The following KCND2 variants were observed in gnomAD, a reference collection of about 807,000 sequenced individuals.
The protein encoded by KCND2 is A-type voltage-gated potassium channel KCND2.
KCND2 carries 16 observed loss-of-function variants against 54.4 expected under a neutral mutation model. The ratio of observed to expected loss-of-function variants is 0.29; its 90% confidence interval spans 0.20 to 0.45. KCND2 has a LOEUF of 0.45. KCND2 is among the 20% of genes least tolerant of loss of function. The pLI, the probability that KCND2 is intolerant of heterozygous loss-of-function variation, is 1.00. For synonymous variants in KCND2, 317 were observed against 310.7 expected (o/e 1.02, Z -0.21); for missense variants, 486 against 824.2 (o/e 0.59, Z 5.02).
At chr7:120,667,532 T>A (rs1350490637) in intron 1 of KCND2, among the ~76,000 whole-genome samples, 1 of 152,014 alleles carries the variant, frequency 6.6e-6, no homozygotes, top group African/African-American at 2.4e-5. Flanking sequence ...ATCAGGTCGA[T>A]GCATGTATGT....
chr7:120,714,332 C>T (rs1439888279), intron 1 of KCND2, among the ~76,000 whole-genome samples: 3 of 151,938 alleles, frequency 2.0e-5, no homozygotes, highest in Non-Finnish European at 4.4e-5. Context: ...TAAATTACTG[C>T]TTCTATCTGA....
intron 1 of KCND2, among the ~76,000 whole-genome samples, chr7:120,574,198 T>C (rs1015275979): frequency 2.0e-5 from 3 of 152,214 alleles, no homozygotes; most frequent in Non-Finnish European, 4.4e-5. Context: ...TAATCTAAAA[T>C]GTGGCAAAAT....
chr7:120,401,817 G>A (rs2116082189), intron 1 of KCND2, among the ~76,000 whole-genome samples: 1 of 152,130 alleles, frequency 6.6e-6, no homozygotes, highest in African/African-American at 2.4e-5. Flanking sequence ...TCAATTTTGA[G>A]TCTAAGACTT....
chr7:120,372,966 C>T (rs529331786), intron 1 of KCND2, among the ~76,000 whole-genome samples: 1 of 151,884 alleles, frequency 6.6e-6, no homozygotes, highest in East Asian at 1.9e-4. Flanking sequence ...AGTTTTACTT[C>T]GGATTTGTGC....
chr7:120,434,808 G>T (rs1339476665), intron 1 of KCND2, among the ~76,000 whole-genome samples: 1 of 136,564 alleles, frequency 7.3e-6, no homozygotes. Flanking sequence ...TGTGTAAAAA[G>T]ATCCTAGAGG....
chr7:120,547,380 A>G (rs889002565), intron 1 of KCND2, among the ~76,000 whole-genome samples: 2 of 151,854 alleles, frequency 1.3e-5, no homozygotes, highest in Non-Finnish European at 2.9e-5. Context: ...ACTCTCTGTA[A>G]AAGTCGGTTT....
At chr7:120,373,963 T>C (rs1800801720) in intron 1 of KCND2, among the ~76,000 whole-genome samples, 1 of 151,902 alleles carries the variant, frequency 6.6e-6, no homozygotes, top group East Asian at 1.9e-4. Flanking sequence ...CATTTGGGGC[T>C]ATTTAATAAA....
chr7:120,622,403 C>T (rs77593013), intron 1 of KCND2, among the ~76,000 whole-genome samples: 2,875 of 151,912 alleles, frequency 0.019, 90 homozygotes, highest in African/African-American at 0.065. Flanking sequence ...TCCATCAGAC[C>T]GGTGAATGGG....
At chr7:120,535,235 T>C (rs1791891124) in intron 1 of KCND2, among the ~76,000 whole-genome samples, 1 of 152,188 alleles carries the variant, frequency 6.6e-6, no homozygotes, top group South Asian at 2.1e-4. Flanking sequence ...TGCACTTTTC[T>C]CATCTGACAT....
At chr7:120,335,632 C>A (rs184929012) in intron 1 of KCND2, among the ~76,000 whole-genome samples, 17,851 of 151,526 alleles carry the variant, frequency 0.12, 1,128 homozygotes, top group African/African-American at 0.16. Context: ...ACTACAGGCG[C>A]CCCCCACCAC....
At chr7:120,547,280 T>C (rs1792052346) in intron 1 of KCND2, among the ~76,000 whole-genome samples, 1 of 151,990 alleles carries the variant, frequency 6.6e-6, no homozygotes, top group East Asian at 1.9e-4. Flanking sequence ...TCCCTTGGGC[T>C]TGCATCATGA....
intron 1 of KCND2, among the ~76,000 whole-genome samples, chr7:120,642,667 C>T (rs1303069805): frequency 6.6e-6 from 1 of 151,480 alleles, no homozygotes; most frequent in Non-Finnish European, 1.5e-5. Context: ...GTTAGATGTT[C>T]CACCGCTTTA....
chr7:120,437,552 TA>T (rs11295983), intron 1 of KCND2, among the ~76,000 whole-genome samples: 38,200 of 148,134 alleles, frequency 0.26, 6,561 homozygotes, highest in East Asian at 0.57. Context: ...GGCCATAAGC[TA>T]AAAAAAAAAG....
chr7:120,307,147 A>G (rs902449496), intron 1 of KCND2, among the ~76,000 whole-genome samples: 1 of 152,012 alleles, frequency 6.6e-6, no homozygotes, highest in African/African-American at 2.4e-5. Flanking sequence ...ATTTTTTTCC[A>G]AACTCTGATG....
At chr7:120,522,897 C>G (rs1010152641) in intron 1 of KCND2, among the ~76,000 whole-genome samples, 3 of 152,162 alleles carry the variant, frequency 2.0e-5, no homozygotes, top group African/African-American at 7.2e-5. Context: ...TCCTTGCATT[C>G]TGTCAATTTT....
chr7:120,296,145 T>C (rs1013153731), intron 1 of KCND2, among the ~76,000 whole-genome samples: 1 of 152,140 alleles, frequency 6.6e-6, no homozygotes, highest in African/African-American at 2.4e-5. Context: ...GGGAAACTTA[T>C]ATATAGTCAT....
At chr7:120,623,209 A>G (rs1793123620) in intron 1 of KCND2, among the ~76,000 whole-genome samples, 2 of 152,340 alleles carry the variant, frequency 1.3e-5, no homozygotes, top group South Asian at 2.1e-4. Context: ...GAAACAAGTC[A>G]TGATAAATGC....
chr7:120,528,940 A>G (rs544618294), intron 1 of KCND2, among the ~76,000 whole-genome samples: 11 of 152,292 alleles, frequency 7.2e-5, no homozygotes, highest in Middle Eastern at 3.4e-3. Flanking sequence ...TATTTTTTCT[A>G]CTAGTAACTA....
At chr7:120,513,118 A>G (rs759445409) in intron 1 of KCND2, among the ~76,000 whole-genome samples, 1 of 152,032 alleles carries the variant, frequency 6.6e-6, no homozygotes, top group African/African-American at 2.4e-5. Context: ...GTTTCTTCAC[A>G]TGTGAAGTGA....
Sources: allele counts gnomAD v4.1 joint callset (sites outside exome capture counted in the v4.1 genomes callset), GRCh38; gene constraint gnomAD v4.1.1; transcripts MANE v1.5; gene names NCBI Gene and HGNC (gene_info 2026-07-23, HGNC 2026-07-21).